Variants in DCAF8L2 observed in about 807,000 individuals in gnomAD.
DCAF8L2 encodes DDB1 and CUL4 associated factor 8 like 2, also known as DDB1- and CUL4-associated factor 8-like protein 2.
For missense variants in DCAF8L2, 430 were observed against 490.7 expected, an observed-to-expected ratio of 0.88 and a Z score of 1.17; for synonymous variants, 200 against 190.9, an observed-to-expected ratio of 1.05 and a Z score of -0.39.
the DCAF8L2 span, among the ~76,000 whole-genome samples, chrX:27,541,501 C>A: frequency 1.9e-4 from 21 of 107,959 alleles, no homozygotes; most frequent in African/African-American, 6.7e-4. Context: ...TCCTGAGTAG[C>A]TGGGATTCAG....
chrX:27,476,616 T>A, the DCAF8L2 span, among the ~76,000 whole-genome samples: 1 of 111,636 alleles, frequency 9.0e-6, no homozygotes, highest in Admixed American at 9.5e-5. Flanking sequence ...TCTATGTGAA[T>A]GTGACTTAAT....
At chrX:27,620,060 C>G (rs981681249) in intron 1 of DCAF8L2, among the ~76,000 whole-genome samples, 14 of 111,151 alleles carry the variant, frequency 1.3e-4, no homozygotes, top group African/African-American at 4.6e-4. Flanking sequence ...TTAAAAGATG[C>G]TAAATTTCAC....
chrX:27,708,552 C>T (rs1931417410), intron 3 of DCAF8L2, among the ~76,000 whole-genome samples: 1 of 112,135 alleles, frequency 8.9e-6, no homozygotes, highest in African/African-American at 3.2e-5. Context: ...ATTATCTTAG[C>T]TATATCTACT....
the DCAF8L2 span, among the ~76,000 whole-genome samples, chrX:27,534,008 A>G: frequency 9.0e-6 from 1 of 110,988 alleles, no homozygotes; most frequent in African/African-American, 3.3e-5. Context: ...CAGAAGTTCA[A>G]TACCACCCTG....
chrX:27,680,847 A>G (rs1481581251), intron 3 of DCAF8L2, among the ~76,000 whole-genome samples: 2 of 112,376 alleles, frequency 1.8e-5, no homozygotes, highest in Non-Finnish European at 1.9e-5. Context: ...CTCTTTGTCT[A>G]TGAAAAGAAA....
At chrX:27,608,610 T>G (rs1927016369) in intron 1 of DCAF8L2, among the ~76,000 whole-genome samples, 1 of 111,515 alleles carries the variant, frequency 9.0e-6, no homozygotes, top group Non-Finnish European at 1.9e-5. Flanking sequence ...GAACCAATAA[T>G]TAGGAAAGTT....
At chrX:27,542,107 A>G in the DCAF8L2 span, among the ~76,000 whole-genome samples, 3 of 111,351 alleles carry the variant, frequency 2.7e-5, no homozygotes, top group African/African-American at 9.8e-5. Context: ...ACTGTTGATG[A>G]GCATCTAGGT....
intron 1 of DCAF8L2, among the ~76,000 whole-genome samples, chrX:27,606,358 A>AAT (rs200718182): frequency 0.05 from 1,986 of 39,729 alleles, 124 homozygotes; most frequent in Middle Eastern, 0.077. Flanking sequence ...TATATCTAGG[A>AAT]ATATATATAT....
At chrX:27,621,539 A>G (rs1927759773) in intron 1 of DCAF8L2, among the ~76,000 whole-genome samples, 1 of 111,879 alleles carries the variant, frequency 8.9e-6, no homozygotes, top group Non-Finnish European at 1.9e-5. Flanking sequence ...GCCTATAGCC[A>G]TATATAAAAT....
the DCAF8L2 span, among the ~76,000 whole-genome samples, chrX:27,542,105 T>A: frequency 5.4e-5 from 6 of 111,387 alleles, no homozygotes; most frequent in Non-Finnish European, 1.1e-4. Context: ...CTACTGTTGA[T>A]GAGCATCTAG....
chrX:27,517,740 G>A, the DCAF8L2 span: 40 of 1,102,364 alleles, frequency 3.6e-5, no homozygotes, highest in East Asian at 1.1e-3. Context: ...AGCTTATGCA[G>A]AACATATATG....
intron 1 of DCAF8L2, among the ~76,000 whole-genome samples, chrX:27,605,275 A>G (rs944046425): frequency 3.6e-5 from 4 of 111,848 alleles, no homozygotes; most frequent in South Asian, 3.7e-4. Flanking sequence ...GAATGATACA[A>G]TCAATATGCA....
upstream of DCAF8L2, among the ~76,000 whole-genome samples, chrX:27,586,682 G>T (rs1175653577): frequency 9.0e-6 from 1 of 111,100 alleles, no homozygotes; most frequent in African/African-American, 3.3e-5. Context: ...GAGTGTATTA[G>T]TATTATTTGT....
chrX:27,519,152 C>T, the DCAF8L2 span: 3 of 1,148,980 alleles, frequency 2.6e-6, no homozygotes, highest in Non-Finnish European at 3.6e-6. Flanking sequence ...AGAGAAATAG[C>T]AGAAAAGGAA....
the DCAF8L2 span, among the ~76,000 whole-genome samples, chrX:27,570,815 C>A: frequency 8.9e-6 from 1 of 112,113 alleles, no homozygotes; most frequent in African/African-American, 3.2e-5. Flanking sequence ...CCCAAATAGA[C>A]TGTAAGCAAT....
chrX:27,520,246 A>G, the DCAF8L2 span, among the ~76,000 whole-genome samples: 1 of 112,139 alleles, frequency 8.9e-6, no homozygotes, highest in African/African-American at 3.2e-5. Context: ...GATTAACGTC[A>G]TGAATATTAA....
intron 4 of DCAF8L2, among the ~76,000 whole-genome samples, chrX:27,740,369 A>G (rs1255349968): frequency 3.6e-5 from 4 of 112,110 alleles, no homozygotes; most frequent in Admixed American, 2.8e-4. Flanking sequence ...AGTTTAGTAC[A>G]TCTGCTCTCT....
At chrX:27,626,027 AT>A (rs1369796958) in intron 1 of DCAF8L2, among the ~76,000 whole-genome samples, 22 of 112,016 alleles carry the variant, frequency 2.0e-4, no homozygotes, top group South Asian at 3.7e-4. Context: ...TTAAAAAAAA[AT>A]AACTTGAAAA....
intron 3 of DCAF8L2, among the ~76,000 whole-genome samples, chrX:27,684,310 G>A (rs1313558039): frequency 9.0e-6 from 1 of 111,458 alleles, no homozygotes; most frequent in Non-Finnish European, 1.9e-5. Context: ...CAGAGTCACA[G>A]GATCTCATCA....
Sources: allele counts gnomAD v4.1 joint callset (sites outside exome capture counted in the v4.1 genomes callset), GRCh38; gene constraint gnomAD v4.1.1; transcripts MANE v1.5; gene names NCBI Gene and HGNC (gene_info 2026-07-23, HGNC 2026-07-21).